DMD: variants seen among roughly 807,000 people sequenced by gnomAD.
The protein encoded by DMD is mutant dystrophin.
Under a neutral mutation model 330.1 loss-of-function variants are expected in DMD, and 63 were observed. That is an observed-to-expected ratio of 0.19 (90% CI 0.16 to 0.24). The LOEUF is 0.24. Ranked by LOEUF, DMD falls within the 10% of genes least tolerant of loss-of-function variation. DMD has a pLI of 1.00. For missense variants in DMD, 3,344 were observed against 2,684.1 expected (o/e 1.25, Z -5.43); for synonymous variants, 1,223 against 959.8 (o/e 1.27, Z -5.07).
chrX:32,682,623 C>T (rs1208507469), intron 9 of DMD, among the ~76,000 whole-genome samples: 2 of 111,917 alleles, frequency 1.8e-5, no homozygotes, highest in Non-Finnish European at 3.8e-5. Context: ...ATTTTGAGAG[C>T]ATGGCCATGT....
At chrX:32,783,343 ATATATGG>A (rs2075051817) in intron 7 of DMD, among the ~76,000 whole-genome samples, 1 of 102,692 alleles carries the variant, frequency 9.7e-6, no homozygotes, top group African/African-American at 3.6e-5. Flanking sequence ...ATATATACAC[ATATATGG>A]TATATATATA....
At chrX:32,548,857 T>C (rs912056000) in intron 16 of DMD, among the ~76,000 whole-genome samples, 15 of 111,485 alleles carry the variant, frequency 1.3e-4, no homozygotes, top group African/African-American at 4.9e-4. Flanking sequence ...ACTTCAAGCA[T>C]GATAAGAATA....
chrX:32,165,713 GT>G (rs1279499153), intron 44 of DMD, among the ~76,000 whole-genome samples: 1 of 111,600 alleles, frequency 9.0e-6, no homozygotes. Context: ...AAAATGATAT[GT>G]TTGGGCTTTG....
intron 1 of DMD, among the ~76,000 whole-genome samples, chrX:33,064,413 T>C (rs761313722): frequency 1.8e-5 from 2 of 111,675 alleles, no homozygotes; most frequent in South Asian, 3.7e-4. Flanking sequence ...CTCTCTTTTG[T>C]TTCATCCAAG....
At chrX:32,017,095 C>G (rs1389997973) in intron 44 of DMD, among the ~76,000 whole-genome samples, 1 of 111,867 alleles carries the variant, frequency 8.9e-6, no homozygotes, top group Non-Finnish European at 1.9e-5. Flanking sequence ...TGTTTGAATT[C>G]CCATTCCATT....
intron 2 of DMD, among the ~76,000 whole-genome samples, chrX:32,873,593 C>T (rs1342067335): frequency 9.0e-6 from 1 of 111,548 alleles, no homozygotes; most frequent in Non-Finnish European, 1.9e-5. Flanking sequence ...AAGTAGGTTA[C>T]AGTGGTTATT....
intron 59 of DMD, among the ~76,000 whole-genome samples, chrX:31,452,931 T>C (rs746175864): frequency 6.3e-5 from 7 of 111,971 alleles, no homozygotes; most frequent in Middle Eastern, 4.2e-3. Context: ...ATTGATATTT[T>C]GCAAACCATA....
chrX:32,789,001 A>G (rs1356233251), intron 7 of DMD, among the ~76,000 whole-genome samples: 1 of 111,838 alleles, frequency 8.9e-6, no homozygotes, highest in Admixed American at 9.5e-5. Flanking sequence ...ATTAAAGAAC[A>G]AAGAGTCAGG....
intron 2 of DMD, among the ~76,000 whole-genome samples, chrX:33,017,557 TTC>T (rs1482280360): frequency 8.9e-6 from 1 of 111,786 alleles, no homozygotes; most frequent in African/African-American, 3.2e-5. Flanking sequence ...CCAGTTTTTC[TTC>T]TGTTTCTACA....
intron 7 of DMD, among the ~76,000 whole-genome samples, chrX:32,720,886 C>T (rs892862640): frequency 8.9e-6 from 1 of 111,753 alleles, no homozygotes; most frequent in Non-Finnish European, 1.9e-5. Flanking sequence ...CTCACCCTCA[C>T]TACTCCTGGT....
chrX:33,156,338 T>G (rs939892164), intron 1 of DMD, among the ~76,000 whole-genome samples: 4 of 112,572 alleles, frequency 3.6e-5, no homozygotes, highest in Non-Finnish European at 5.6e-5. Flanking sequence ...AGGAATGTAC[T>G]TACATCACTA....
rs191799309 is a variant in DMD, at chrX:32,432,621, T to A, written c.4071+5620A>T. ...CATAAAGCAAATGTGGGATTTAAGT[T>A]TGATGTTGCTTCTAACGGCTTAGCA... On this transcript the variant is annotated intron_variant, in intron 29 of 78. Coordinates refer to ENST00000357033, the MANE Select transcript of DMD (RefSeq NM_004006.3). Among the ~76,000 whole-genome samples, 543 of 111,993 alleles carry A rather than the reference T, an allele frequency of 4.8e-3. 1 individual carries two copies. The highest frequency in any genetic ancestry group is 0.017 in the African/African-American group (532 of 30,834).
intron 27 of DMD, among the ~76,000 whole-genome samples, chrX:32,447,750 G>A (rs941516959): frequency 1.3e-4 from 14 of 111,853 alleles, no homozygotes; most frequent in Non-Finnish European, 1.9e-5. Context: ...AGTGGATAAA[G>A]TTTTGTGCCC....
intron 1 of DMD, among the ~76,000 whole-genome samples, chrX:33,073,803 T>G (rs1268696231): frequency 1.9e-5 from 2 of 107,701 alleles, no homozygotes; most frequent in Admixed American, 2.1e-4. Context: ...CCGCACTCCA[T>G]CCTGGACAAC....
At chrX:32,636,092 A>G (rs2059075971) in intron 11 of DMD, among the ~76,000 whole-genome samples, 1 of 112,135 alleles carries the variant, frequency 8.9e-6, no homozygotes, top group South Asian at 3.8e-4. Flanking sequence ...AGTAGTTTCC[A>G]TTGGAGAATG....
At chrX:32,422,127 G>A (rs2098192495) in intron 29 of DMD, among the ~76,000 whole-genome samples, 1 of 111,324 alleles carries the variant, frequency 9.0e-6, no homozygotes, top group Non-Finnish European at 1.9e-5. Flanking sequence ...TCATCTATCT[G>A]TCATGAGCAG....
chrX:31,442,557 A>C (rs967249499), intron 60 of DMD, among the ~76,000 whole-genome samples: 20 of 108,584 alleles, frequency 1.8e-4, no homozygotes, highest in Non-Finnish European at 3.4e-4. Context: ...AAAAAAAAAA[A>C]ACTTTTCTTA....
rs189043171 is a variant in DMD, at chrX:33,009,017, C to A, written c.93+11122G>T. ...GTGTGTATATATACACACATACACA[C>A]GTATATATACACATGTGTGTATATA... On this transcript the variant is annotated intron_variant, in intron 2 of 78. Transcript: ENST00000357033. Among the ~76,000 whole-genome samples the A allele has an allele frequency of 4.9e-3, 472 of 96,474 alleles. 6 individuals carry two copies. The highest frequency in any genetic ancestry group is 0.017 in the African/African-American group (440 of 26,648). 83.8% of individuals were successfully genotyped at this position (96,474 alleles called of 115,157 possible).
At chrX:32,548,683 C>T (rs1331298849) in intron 16 of DMD, among the ~76,000 whole-genome samples, 1 of 111,628 alleles carries the variant, frequency 9.0e-6, no homozygotes, top group Non-Finnish European at 1.9e-5. Flanking sequence ...CCTTTAGTTT[C>T]CAAAGTTCTT....
Sources: allele counts gnomAD v4.1 joint callset (sites outside exome capture counted in the v4.1 genomes callset), GRCh38; gene constraint gnomAD v4.1.1; transcripts MANE v1.5; gene names NCBI Gene and HGNC (gene_info 2026-07-23, HGNC 2026-07-21).